Variants in ACP3 observed in about 807,000 individuals in gnomAD.
ACP3 encodes the protein acid phosphatase 3.
In ACP3, 38 loss-of-function variants were observed where a neutral mutation model predicts 45.6. That is an observed-to-expected ratio of 0.83 (90% CI 0.64 to 1.09). The LOEUF (loss-of-function observed/expected upper bound fraction) is 1.09, where lower values mean the gene tolerates loss of function less well. Ranked by LOEUF, ACP3 falls within the 50% of genes least tolerant of loss-of-function variation. The probability of loss-of-function intolerance (pLI) is 0.00; values close to 1 mark genes in which losing one functional copy is unlikely to be tolerated. For missense variants in ACP3, 466 were observed against 463.2 expected (o/e 1.01, Z -0.05); for synonymous variants, 162 against 164.7 (o/e 0.98, Z 0.13).
At position 132,357,719 on chromosome 3, in the gene ACP3, TG is replaced by T. The variant is rs1256569704; in HGVS notation, c.*842del. ...GATGGAGTTTCTCTAGAAGCTCCAG[TG>T]ATAAGAGATGTTGACTCTAAAGTTG... On this transcript the variant is annotated 3_prime_UTR_variant, in exon 10 of 10. Coordinates refer to ENST00000336375, the MANE Select transcript of ACP3 (RefSeq NM_001099.5). 2.0e-6 allele frequency: 2 copies of T among 985,266 alleles called. No homozygotes were observed. Among genetic ancestry groups the T allele is most frequent in the East Asian group, 2.3e-4 (2 of 8,806 alleles). 61.0% of individuals were successfully genotyped at this position (985,266 alleles called of 1,614,324 possible).
At chr3:132,362,114 G>A (rs1363334783), downstream of ACP3, among the ~76,000 whole-genome samples, 1 of 151,850 alleles carries the variant, frequency 6.6e-6, no homozygotes, top group African/African-American at 2.4e-5. Flanking sequence ...CCACCCTTCT[G>A]TCATCTCTTT....
chr3:132,365,526 A>G (rs191588908), intron 10 of ACP3, among the ~76,000 whole-genome samples: 15 of 152,284 alleles, frequency 9.9e-5, no homozygotes, highest in Admixed American at 9.8e-4. Flanking sequence ...AGGAGAGGAA[A>G]TGTGAGGGGA....
chr3:132,363,228 A>G (rs937011079), downstream of ACP3, among the ~76,000 whole-genome samples: 1 of 152,114 alleles, frequency 6.6e-6, no homozygotes, highest in Non-Finnish European at 1.5e-5. Flanking sequence ...TATGTCTACA[A>G]TCCTTATTTC....
chr3:132,351,915 C>T (rs1937750239), intron 8 of ACP3, among the ~76,000 whole-genome samples: 1 of 152,190 alleles, frequency 6.6e-6, no homozygotes, highest in Admixed American at 6.5e-5. Flanking sequence ...CTGGGGTAAA[C>T]ATTTAGCTTT....
At position 132,344,960 on chromosome 3, in the gene ACP3, A is replaced by G; in HGVS notation, c.682A>G (p.Thr228Ala). ...CAATTTCACTTTACCCTCCTGGGCC[A>G]CTGAGGACACCATGACTAAGTTGAG... ...VHNFTLPSWA[T>A]EDTMTKLREL... Residue 228 changes from threonine (T) to alanine (A), a missense_variant, in exon 7 of 10, where the codon ACT becomes GCT. Coordinates refer to ENST00000336375, the MANE Select transcript of ACP3 (RefSeq NM_001099.5). 3.7e-6 allele frequency: 6 copies of G among 1,613,900 alleles called. No individual in the cohort carries two copies. The highest frequency in any genetic ancestry group is 5.1e-6 in the Non-Finnish European group (6 of 1,179,884).
intron 1 of ACP3, among the ~76,000 whole-genome samples, chr3:132,325,518 T>G (rs1436072052): frequency 6.6e-6 from 1 of 151,906 alleles, no homozygotes; most frequent in Non-Finnish European, 1.5e-5. Flanking sequence ...CTCAGTTCTA[T>G]TCTTTCAATA....
intron 10 of ACP3, among the ~76,000 whole-genome samples, chr3:132,365,636 AAGGAG>A (rs552078019): frequency 1.2e-3 from 183 of 152,226 alleles, no homozygotes; most frequent in South Asian, 5.0e-3. Flanking sequence ...ACTTTGTTTT[AAGGAG>A]AGAAGTGGCA....
rs1481372992 is a variant in ACP3, at chr3:132,352,572, C to T, written c.865-148C>T. The T allele has an allele frequency of 4.9e-6, 3 of 615,048 alleles. No homozygotes were observed. The East Asian group carries it at 8.5e-5, about 17-fold the overall frequency. 38.1% of individuals were successfully genotyped at this position (615,048 alleles called of 1,614,324 possible). A position where few individuals can be genotyped will look rare whatever the true frequency, so the allele number is the denominator to read the frequency against. ...TGCCTAGCACACCGCTAATGCTCAA[C>T]CAAAATCTTTCCTTCTCTACTTATT... On this transcript the variant is annotated intron_variant, in intron 8 of 9. Transcript: ENST00000336375.
At chr3:132,338,255 A>G (rs1211719285) in intron 5 of ACP3, among the ~76,000 whole-genome samples, 1 of 150,640 alleles carries the variant, frequency 6.6e-6, no homozygotes, top group Non-Finnish European at 1.5e-5. Context: ...TACTATTCAT[A>G]GGGTTGGGCA....
chr3:132,323,682 T>C (rs1216667771), intron 1 of ACP3, among the ~76,000 whole-genome samples: 1 of 152,132 alleles, frequency 6.6e-6, no homozygotes, highest in African/African-American at 2.4e-5. Context: ...GCAAATTTAG[T>C]ATATTGGATG....
downstream of ACP3, among the ~76,000 whole-genome samples, chr3:132,363,121 G>A (rs1163308035): frequency 1.3e-5 from 2 of 151,830 alleles, no homozygotes; most frequent in African/African-American, 4.8e-5. Flanking sequence ...AATATCACAG[G>A]GAGAGAAAGC....
chr3:132,356,750 C>A lies in ACP3; in HGVS notation c.1033C>A (p.Pro345Thr). 6.2e-7 allele frequency: 1 copy of A among 1,614,170 alleles called. No homozygotes were observed. Among genetic ancestry groups the A allele is most frequent in the Non-Finnish European group, 8.5e-7 (1 of 1,180,036 alleles). Residue 345 changes from proline to threonine, a missense_variant, in exon 10 of 10, where the codon CCT becomes ACT. Physicochemically the swap from Pro to Thr is conservative, Grantham distance 38. Transcript: ENST00000336375. ...GCACGAGCCGTATCCCCTCATGCTA[C>A]CTGGCTGCAGCCCCAGCTGTCCTCT... ...TQHEPYPLML[P>T]GCSPSCPLER... is the part of the protein sequence containing the mutation.
chr3:132,339,626 G>T (rs309997), intron 5 of ACP3, among the ~76,000 whole-genome samples: 62,276 of 152,130 alleles, frequency 0.41, 13,277 homozygotes, highest in East Asian at 0.81. Context: ...TATTACAAAG[G>T]ATATTACAAA....
intron 6 of ACP3, 79 bp from the exon 7 acceptor site, chr3:132,344,848 G>A (rs1307113222): frequency 6.5e-7 from 1 of 1,527,556 alleles, no homozygotes; most frequent in African/African-American, 1.4e-5. Flanking sequence ...TAGTTCTTGT[G>A]AGGTGAAAAA....
intron 4 of ACP3, chr3:132,333,303 A>G (rs1937434480): frequency 6.6e-6 from 1 of 152,612 alleles, no homozygotes. Context: ...GGGTATTTTT[A>G]AAGTAGCAAT....
At chr3:132,341,147 T>C (rs981524297) in intron 5 of ACP3, among the ~76,000 whole-genome samples, 2 of 152,162 alleles carry the variant, frequency 1.3e-5, no homozygotes, top group African/African-American at 4.8e-5. Flanking sequence ...TTTTGCCTAT[T>C]TGCACTGGCC....
At position 132,349,900 on chromosome 3, in the gene ACP3, A is replaced by G. The variant is rs765931977; in HGVS notation, c.782-20A>G. ...AGCTTATGTTTGGTTCAGTTTGGTT[A>G]TTGATTCATCTTCTTTAAGGTGTCC... On this transcript the variant is annotated intron_variant, in intron 7 of 9. Coordinates refer to ENST00000336375, the MANE Select transcript of ACP3 (RefSeq NM_001099.5). 2 of 1,569,472 alleles carry G rather than the reference A, an allele frequency of 1.3e-6. No homozygotes were observed. The highest frequency in any genetic ancestry group is 1.8e-6 in the Non-Finnish European group (2 of 1,140,048).
chr3:132,336,221 C>A (rs1396541357), intron 4 of ACP3, among the ~76,000 whole-genome samples: 1 of 152,130 alleles, frequency 6.6e-6, no homozygotes, highest in Non-Finnish European at 1.5e-5. Flanking sequence ...GATCGCGCCA[C>A]TGCACTCCAG....
At chr3:132,327,245 G>C (rs2107795547) in intron 1 of ACP3, among the ~76,000 whole-genome samples, 1 of 152,326 alleles carries the variant, frequency 6.6e-6, no homozygotes, top group South Asian at 2.1e-4. Flanking sequence ...GCCAGGTGTG[G>C]TGGCTCATGC....
Sources: gnomAD v4.1 joint callset for allele counts (sites outside exome capture counted in the v4.1 genomes callset) on GRCh38, gnomAD v4.1.1 for gene constraint, MANE v1.5 for transcripts, NCBI Gene and HGNC (gene_info 2026-07-23, HGNC 2026-07-21) for gene names.